NTMT1: variants seen among roughly 807,000 people sequenced by gnomAD.
NTMT1 encodes N-terminal Xaa-Pro-Lys N-methyltransferase 1.
Under a neutral mutation model 17.5 loss-of-function variants are expected in NTMT1, and 8 were observed. That is an observed-to-expected ratio of 0.46 (90% CI 0.27 to 0.82). The LOEUF (loss-of-function observed/expected upper bound fraction) is 0.82. NTMT1 is among the 40% of genes least tolerant of loss of function. NTMT1 has a pLI of 0.15. For synonymous variants in NTMT1, 128 were observed against 126.8 expected (o/e 1.01, Z -0.06); for missense variants, 221 against 303.5 (o/e 0.73, Z 2.02).
chr9:129,632,577 G>A, intron 1 of NTMT1, 73 bp from the exon 2 acceptor site: 5 of 1,084,302 alleles, frequency 4.6e-6, no homozygotes, highest in Non-Finnish European at 6.7e-6. Flanking sequence ...CCTGGTGTGA[G>A]ACTGGCCCTC....
rs1021491454 is a variant in NTMT1 at position 129,613,928 on chromosome 9, G to T, written c.-55+4750G>T. 1.3e-5 allele frequency among the ~76,000 whole-genome samples: 2 copies of T among 152,188 alleles called. No homozygotes were observed. Among genetic ancestry groups the T allele is most frequent in the African/African-American group, 4.8e-5 (2 of 41,434 alleles). ...TGAGAGCGTTGAGGGCTTCAGGGAGGGCTGTCTCAGGGATGGGGGCTCTTC... is the reference window on the plus strand; with the variant it reads ...TGAGAGCGTTGAGGGCTTCAGGGAGTGCTGTCTCAGGGATGGGGGCTCTTC... On this transcript the variant is annotated intron_variant, in intron 1 of 3. Coordinates refer to the NTMT1 transcript ENST00000372486. This position sits in a 1 kb window ranked among gnomAD's most constrained non-coding sequence, Gnocchi z 6.2.
At chr9:129,629,451 C>G (rs1269034625) in intron 1 of NTMT1, among the ~76,000 whole-genome samples, 1 of 152,070 alleles carries the variant, frequency 6.6e-6, no homozygotes, top group African/African-American at 2.4e-5. Context: ...AATGCAGAGG[C>G]AGGATCATGG....
rs1011994369 is a variant in NTMT1 at position 129,635,787 on chromosome 9, C to T, written c.*323C>T. On this transcript the variant is annotated 3_prime_UTR_variant, in exon 4 of 4. Coordinates refer to ENST00000372483, the MANE Select transcript of NTMT1 (RefSeq NM_014064.4). ...CATCAGTAACCGATTCCCTGGGCCT[C>T]CAGCCCGGCCTTCCAGCCATGGGCC... is the stretch of plus-strand genomic sequence containing the variant. The T allele has an allele frequency of 3.9e-6, 1 of 259,374 alleles. No individual in the cohort carries two copies. The highest frequency in any genetic ancestry group is 6.5e-5 in the South Asian group (1 of 15,270). The allele number at this position is 259,374 out of a possible 1,614,324, so 16.1% of individuals were successfully genotyped here.
chr9:129,620,506 G>C lies in NTMT1; in HGVS notation c.-55+11328G>C. ...GCCGCGGGTCGCTGCTGCGTCGGAA[G>C]TCTCCGTCGCCAGGGAGCCCCTTGG... On this transcript the variant is annotated intron_variant, in intron 1 of 3. Transcript: ENST00000372486. The surrounding 1 kb of genome is among the most constrained non-coding windows in gnomAD (Gnocchi z 5.8). 1 of 1,432,386 alleles carries C rather than the reference G, an allele frequency of 7.0e-7. No homozygotes were observed. The highest frequency in any genetic ancestry group is 9.2e-7 in the Non-Finnish European group (1 of 1,090,906). 88.7% of individuals were successfully genotyped at this position (1,432,386 alleles called of 1,614,324 possible).
At chr9:129,633,968 T>C (rs577098057) in intron 2 of NTMT1, 86 bp from the exon 3 acceptor site, 3 of 1,457,606 alleles carry the variant, frequency 2.1e-6, no homozygotes, top group African/African-American at 2.8e-5. Flanking sequence ...AATCCTGACT[T>C]GAGTCTAAGT....
At chr9:129,616,169 G>T (rs1367765782) in intron 1 of NTMT1, among the ~76,000 whole-genome samples, 4 of 152,182 alleles carry the variant, frequency 2.6e-5, no homozygotes, top group Non-Finnish European at 5.9e-5. Flanking sequence ...ATCCAGCCCA[G>T]GGTCTGCAGG....
rs142148319 is a variant in NTMT1 at position 129,615,532 on chromosome 9, C to T, written c.-55+6354C>T. ...CGGAGCGTTGTGTCCTGCAGGGTCT[C>T]GTCAGCGAATCGCACCCGGAAAGGG... On this transcript the variant is annotated intron_variant, in intron 1 of 3. Transcript: ENST00000372486. 345 of 1,611,004 alleles carry T rather than the reference C, an allele frequency of 2.1e-4. 2 individuals are homozygous for T. In the East Asian group the frequency reaches 4.8e-3, roughly 22 times the overall value.
chr9:129,621,381 C>T (rs28457144), upstream of NTMT1, among the ~76,000 whole-genome samples: 8,677 of 152,206 alleles, frequency 0.057, 309 homozygotes, highest in South Asian at 0.098. Flanking sequence ...CTTGCTAAGA[C>T]GGGGTCCTGC....
At position 129,634,221 on chromosome 9, in the gene NTMT1, G is replaced by A. The variant is rs576559353; in HGVS notation, c.330G>A (p.Arg110=). The A allele has an allele frequency of 6.2e-7, 1 of 1,614,126 alleles. No homozygotes were observed. The highest frequency in any genetic ancestry group is 1.1e-5 in the South Asian group (1 of 91,086). The change falls in exon 3 of 4, where the codon AGG becomes AGA. Residue 110 remains arginine (R), a synonymous_variant. Transcript: ENST00000372483. ...CCTACCTGGGGGAGGAGGGCAAGAG[G>A]GTGAGGAACTACTTCTGTTGTGGGC... The part of the protein sequence containing the change: ...AKTYLGEEGK[R]VRNYFCCGLQ...
chr9:129,610,177 GC>G (rs1290007530), intron 1 of NTMT1, among the ~76,000 whole-genome samples: 1 of 136,964 alleles, frequency 7.3e-6, no homozygotes, highest in African/African-American at 2.8e-5. Flanking sequence ...TGCGGGCCGA[GC>G]CACAGGGGAG....
chr9:129,629,345 C>T (rs1180557027), intron 1 of NTMT1, among the ~76,000 whole-genome samples: 3 of 151,872 alleles, frequency 2.0e-5, no homozygotes, highest in Non-Finnish European at 1.5e-5. Context: ...CCGGGCACAT[C>T]TAGCAGTCTT....
At chr9:129,609,645 C>A (rs1272032089) in intron 1 of NTMT1, among the ~76,000 whole-genome samples, 1 of 139,664 alleles carries the variant, frequency 7.2e-6, no homozygotes, top group Non-Finnish European at 1.5e-5. Context: ...AATCTGGGGT[C>A]TCTGCCAAAG....
Position 129,613,256 on chromosome 9 carries a change from G to A in NTMT1, c.-55+4078G>A. ...CCCTGTGTCTTCTGGGTGGACCTGG[G>A]GGAGACAGGACCCCATGAGCTTCCT... is the stretch of plus-strand genomic sequence containing the variant. On this transcript the variant is annotated intron_variant, in intron 1 of 3. Coordinates refer to the NTMT1 transcript ENST00000372486. The surrounding 1 kb of genome is among the most constrained non-coding windows in gnomAD (Gnocchi z 6.2). 3.1e-6 allele frequency: 5 copies of A among 1,600,368 alleles called. No homozygotes were observed. The highest frequency in any genetic ancestry group is 3.4e-6 in the Non-Finnish European group (4 of 1,171,724).
At chr9:129,634,732 C>A (rs1588145165) in intron 3 of NTMT1, 1 of 220,750 alleles carries the variant, frequency 4.5e-6, no homozygotes, top group East Asian at 1.2e-4. Context: ...CGGCAGGCCG[C>A]TAGCAGCAGT....
rs1481980716 is a variant in NTMT1 at position 129,635,563 on chromosome 9, G to A, written c.*99G>A. On this transcript the variant is annotated 3_prime_UTR_variant, in exon 4 of 4. Coordinates refer to ENST00000372483, the MANE Select transcript of NTMT1 (RefSeq NM_014064.4). Reference sequence around the variant, plus strand: ...GCCACGCTGGCGGTTCGTGAGTGTCGAGGCACCACTAAATATAGCTGTCTG... The same window carrying A: ...GCCACGCTGGCGGTTCGTGAGTGTCAAGGCACCACTAAATATAGCTGTCTG... 14 of 1,375,448 alleles carry A rather than the reference G, an allele frequency of 1.0e-5. No homozygotes were observed. Among genetic ancestry groups the A allele is most frequent in the South Asian group, 1.3e-5 (1 of 74,350 alleles). 85.2% of individuals were successfully genotyped at this position (1,375,448 alleles called of 1,614,324 possible). A position where few individuals can be genotyped will look rare whatever the true frequency, so the allele number is the denominator to read the frequency against.
chr9:129,613,015 C>T lies in NTMT1; in HGVS notation c.-55+3837C>T, dbSNP rs1830163190. 6.5e-7 allele frequency: 1 copy of T among 1,539,398 alleles called. No homozygotes were observed. Among genetic ancestry groups the T allele is most frequent in the African/African-American group, 1.4e-5 (1 of 73,020 alleles). ...TCTCAGGGAGGGTCCACTCCCAGCCCCAGCCACTCCACCAAACAGGGCTGC... is the reference window on the plus strand; with the variant it reads ...TCTCAGGGAGGGTCCACTCCCAGCCTCAGCCACTCCACCAAACAGGGCTGC... On this transcript the variant is annotated intron_variant, in intron 1 of 3. Transcript: ENST00000372486. The surrounding 1 kb of genome is among the most constrained non-coding windows in gnomAD (Gnocchi z 6.2).
chr9:129,612,921 A>T (rs74381877), intron 1 of NTMT1, among the ~76,000 whole-genome samples: 1 of 152,100 alleles, frequency 6.6e-6, no homozygotes, highest in African/African-American at 2.4e-5. Flanking sequence ...CCACCCCTTG[A>T]CAGCTGCCCT....
At chr9:129,617,797 C>T (rs894714824) in intron 1 of NTMT1, among the ~76,000 whole-genome samples, 5 of 152,196 alleles carry the variant, frequency 3.3e-5, no homozygotes, top group Non-Finnish European at 5.9e-5. Flanking sequence ...AATCCTCCCA[C>T]CTCAGCCTCC....
At chr9:129,629,546 C>T (rs1018393103) in intron 1 of NTMT1, among the ~76,000 whole-genome samples, 1 of 152,128 alleles carries the variant, frequency 6.6e-6, no homozygotes, top group South Asian at 2.1e-4. Context: ...GTATTTTTGA[C>T]AGAGATGGGG....
Sources: allele counts gnomAD v4.1 joint callset (sites outside exome capture counted in the v4.1 genomes callset), GRCh38; gene constraint gnomAD v4.1.1; non-coding constraint Gnocchi (gnomAD v3.1); transcripts MANE v1.5; gene names NCBI Gene and HGNC (gene_info 2026-07-23, HGNC 2026-07-21).